Variants in PCTP observed in about 807,000 individuals in gnomAD.
PCTP encodes START domain-containing protein 2.
A neutral mutation model predicts 31.0 loss-of-function variants in PCTP; 27 were observed. That is an observed-to-expected ratio of 0.87 (90% CI 0.64 to 1.20). The LOEUF (loss-of-function observed/expected upper bound fraction) is 1.20, where lower values mean the gene tolerates loss of function less well. Among genes scored for constraint, PCTP ranks in the 50% most tolerant of loss-of-function variants. PCTP has a pLI of 0.00. For synonymous variants in PCTP, 108 were observed against 101.2 expected (o/e 1.07, Z -0.40); for missense variants, 287 against 268.2 (o/e 1.07, Z -0.49).
At chr17:55,788,558 A>T (rs1386428944) in intron 3 of PCTP, among the ~76,000 whole-genome samples, 1 of 152,204 alleles carries the variant, frequency 6.6e-6, no homozygotes, top group Non-Finnish European at 1.5e-5. Context: ...GGAACTTATG[A>T]TCCAGTATTT....
At chr17:55,790,786 C>T (rs1364209937) in intron 3 of PCTP, among the ~76,000 whole-genome samples, 1 of 149,068 alleles carries the variant, frequency 6.7e-6, no homozygotes, top group African/African-American at 2.5e-5. Context: ...ACTTTCTTCA[C>T]AGAATTGGAA....
chr17:55,835,684 A>G (rs1228904439), intron 5 of PCTP, among the ~76,000 whole-genome samples: 1 of 152,196 alleles, frequency 6.6e-6, no homozygotes. Flanking sequence ...CCTTTATCCC[A>G]TGGGTTTGCC....
At chr17:55,775,110 C>G (rs150129171) in intron 5 of PCTP, among the ~76,000 whole-genome samples, 2 of 152,026 alleles carry the variant, frequency 1.3e-5, no homozygotes, top group African/African-American at 4.8e-5. Flanking sequence ...CCCAGGACCC[C>G]GCCAGAATCA....
intron 3 of PCTP, among the ~76,000 whole-genome samples, chr17:55,811,690 A>G (rs145355725): frequency 1.4e-3 from 219 of 152,352 alleles, no homozygotes; most frequent in African/African-American, 5.0e-3. Context: ...CTGTGGTTCC[A>G]AAACACACTT....
chr17:55,770,948 G>T, intron 2 of PCTP, 158 bp from the exon 3 acceptor site: 3 of 587,968 alleles, frequency 5.1e-6, no homozygotes, highest in Non-Finnish European at 3.1e-6. Context: ...TCCCAGGCTG[G>T]TCTTGAACTC....
chr17:55,763,266 ATTGT>A (rs1483489134), intron 1 of PCTP, among the ~76,000 whole-genome samples: 13 of 152,348 alleles, frequency 8.5e-5, no homozygotes, highest in African/African-American at 3.1e-4. Context: ...TTCATATCAA[ATTGT>A]TTGTATAAAC....
downstream of PCTP, among the ~76,000 whole-genome samples, chr17:55,826,001 G>A (rs12936387): frequency 0.1 from 15,735 of 152,196 alleles, 1,177 homozygotes; most frequent in East Asian, 0.37. Flanking sequence ...CCCAGAAATC[G>A]GCATCATTCC....
chr17:55,845,637 G>T (rs1377650501), downstream of PCTP, among the ~76,000 whole-genome samples: 1 of 152,180 alleles, frequency 6.6e-6, no homozygotes, highest in African/African-American at 2.4e-5. Flanking sequence ...GTTTCGGAAA[G>T]TTACTGTGGT....
chr17:55,824,096 A>G (rs1219914557), downstream of PCTP, among the ~76,000 whole-genome samples: 1 of 152,070 alleles, frequency 6.6e-6, no homozygotes, highest in Admixed American at 6.6e-5. Flanking sequence ...CTTCCCATAC[A>G]TTCACTCAGT....
At chr17:55,755,129 A>G (rs1909940366) in intron 1 of PCTP, among the ~76,000 whole-genome samples, 1 of 152,112 alleles carries the variant, frequency 6.6e-6, no homozygotes, top group Non-Finnish European at 1.5e-5. Flanking sequence ...ATGGAAATGG[A>G]TCTGAGATAG....
At chr17:55,788,834 A>G (rs1027619828) in intron 3 of PCTP, among the ~76,000 whole-genome samples, 13 of 152,190 alleles carry the variant, frequency 8.5e-5, no homozygotes, top group African/African-American at 3.1e-4. Flanking sequence ...TCAGCTATGC[A>G]ATGGTACTTG....
At chr17:55,826,868 G>C (rs1905414352), downstream of PCTP, among the ~76,000 whole-genome samples, 1 of 152,038 alleles carries the variant, frequency 6.6e-6, no homozygotes, top group African/African-American at 2.4e-5. Context: ...AAATTACTTG[G>C]TGCAAACACT....
At chr17:55,751,731 T>C (rs1467890278) in intron 1 of PCTP, among the ~76,000 whole-genome samples, 1 of 152,166 alleles carries the variant, frequency 6.6e-6, no homozygotes, top group African/African-American at 2.4e-5. Context: ...CCTACTGTTT[T>C]AGTGACTCGT....
chr17:55,796,878 GT>G (rs1490282653), intron 3 of PCTP, among the ~76,000 whole-genome samples: 1 of 151,884 alleles, frequency 6.6e-6, no homozygotes, highest in African/African-American at 2.4e-5. Flanking sequence ...GTGTAAAAAT[GT>G]CACAAAATGT....
intron 2 of PCTP, among the ~76,000 whole-genome samples, chr17:55,782,958 G>C (rs1911612461): frequency 6.6e-6 from 1 of 152,102 alleles, no homozygotes; most frequent in African/African-American, 2.4e-5. Context: ...TCAATAGATA[G>C]AGCACAAAAA....
intron 5 of PCTP, among the ~76,000 whole-genome samples, chr17:55,833,799 G>GC (rs949175724): frequency 3.9e-5 from 6 of 152,198 alleles, no homozygotes; most frequent in Non-Finnish European, 5.9e-5. Flanking sequence ...GAAAGACCTT[G>GC]CCTCCTGCCT....
downstream of PCTP, among the ~76,000 whole-genome samples, chr17:55,826,900 A>C (rs1905415711): frequency 6.6e-6 from 1 of 152,176 alleles, no homozygotes; most frequent in Admixed American, 6.5e-5. Context: ...AACACACACC[A>C]GCCCCTCATT....
chr17:55,801,629 A>G (rs1912384787), intron 3 of PCTP, among the ~76,000 whole-genome samples: 1 of 152,192 alleles, frequency 6.6e-6, no homozygotes, highest in East Asian at 1.9e-4. Context: ...GTAAATAACG[A>G]TATTAAGTCA....
intron 2 of PCTP, chr17:55,769,491 A>G (rs915973488): frequency 6.6e-6 from 1 of 152,230 alleles, no homozygotes; most frequent in African/African-American, 2.4e-5. Flanking sequence ...AGCAGGCAGC[A>G]TGGAAGATCC....
Sources: allele counts gnomAD v4.1 joint callset (sites outside exome capture counted in the v4.1 genomes callset), GRCh38; gene constraint gnomAD v4.1.1; transcripts MANE v1.5; gene names NCBI Gene and HGNC (gene_info 2026-07-23, HGNC 2026-07-21).